CSMD1: variants seen among roughly 807,000 people sequenced by gnomAD.
CSMD1 encodes the protein CUB and sushi domain-containing protein 1.
A neutral mutation model predicts 417.5 loss-of-function variants in CSMD1; 213 were observed. The ratio of observed to expected loss-of-function variants is 0.51; its 90% CI spans 0.46 to 0.57. CSMD1 has a LOEUF of 0.57. Among genes scored for constraint, CSMD1 ranks in the 20% least tolerant of loss-of-function variants. The pLI, the probability that CSMD1 is intolerant of heterozygous loss-of-function variation, is 0.00. For missense variants in CSMD1, 6,923 were observed against 4,529.7 expected, an observed-to-expected ratio of 1.53 and a Z score of -15.17; for synonymous variants, 2,862 against 1,736.8, an observed-to-expected ratio of 1.65 and a Z score of -16.11.
At chr8:3,075,033 T>C (rs73181795) in intron 49 of CSMD1, among the ~76,000 whole-genome samples, 9,291 of 152,086 alleles carry the variant, frequency 0.061, 506 homozygotes, top group South Asian at 0.19. Flanking sequence ...AGTGAGTTCT[T>C]GCAAGATCCA....
chr8:4,814,921 G>C (rs902301408), intron 1 of CSMD1, among the ~76,000 whole-genome samples: 1 of 152,140 alleles, frequency 6.6e-6, no homozygotes, highest in Non-Finnish European at 1.5e-5. Flanking sequence ...GTATTTGGTT[G>C]AATAAACATT....
intron 23 of CSMD1, among the ~76,000 whole-genome samples, chr8:3,315,136 A>G (rs148415684): frequency 6.6e-6 from 1 of 152,344 alleles, no homozygotes; most frequent in East Asian, 1.9e-4. Context: ...TTTGGCAAAA[A>G]TCTCTTTAAG....
At chr8:3,302,330 G>A (rs576195455) in intron 25 of CSMD1, among the ~76,000 whole-genome samples, 2 of 152,008 alleles carry the variant, frequency 1.3e-5, no homozygotes, top group African/African-American at 2.4e-5. Flanking sequence ...TATCTCCATC[G>A]TTCTCATCAC....
intron 3 of CSMD1, among the ~76,000 whole-genome samples, chr8:4,410,927 A>T (rs189386696): frequency 6.6e-6 from 1 of 152,192 alleles, no homozygotes; most frequent in Non-Finnish European, 1.5e-5. Context: ...CTTTCTCTTC[A>T]GACTAGATTT....
At chr8:3,820,085 G>A (rs922305229) in intron 5 of CSMD1, among the ~76,000 whole-genome samples, 1 of 152,178 alleles carries the variant, frequency 6.6e-6, no homozygotes, top group Non-Finnish European at 1.5e-5. Context: ...CAGTGATTCT[G>A]CATTTTCTTC....
chr8:3,234,205 T>A (rs1799018596), intron 26 of CSMD1, among the ~76,000 whole-genome samples: 1 of 152,170 alleles, frequency 6.6e-6, no homozygotes, highest in Admixed American at 6.5e-5. Context: ...TCTCTCTCCA[T>A]TTCTGCATTT....
rs141770194 is a variant in CSMD1, at chr8:4,538,398, T to A, written c.302+98944A>T. The stretch of plus-strand genomic sequence containing the variant: ...TGGCTTATGCCTGTAATCCAAGCAC[T>A]TTGGGAGGCCGAGGCAGGGAGATCA... On this transcript the variant is annotated intron_variant, in intron 2 of 69. Coordinates refer to ENST00000635120, the MANE Select transcript of CSMD1 (RefSeq NM_033225.6). Among the ~76,000 whole-genome samples the A allele has an allele frequency of 5.3e-3, 804 of 152,190 alleles. 9 individuals are homozygous for A. Among genetic ancestry groups the A allele is most frequent in the African/African-American group, 0.018 (739 of 41,496 alleles).
At chr8:3,900,052 G>A (rs1271375595) in intron 5 of CSMD1, among the ~76,000 whole-genome samples, 2 of 152,150 alleles carry the variant, frequency 1.3e-5, no homozygotes, top group African/African-American at 2.4e-5. Flanking sequence ...GGCCGATGCT[G>A]TAGCTGGGTA....
At chr8:4,286,334 A>T (rs539331746) in intron 3 of CSMD1, among the ~76,000 whole-genome samples, 3 of 151,996 alleles carry the variant, frequency 2.0e-5, no homozygotes, top group African/African-American at 4.8e-5. Flanking sequence ...ACATTCTTTT[A>T]TTTTTAAAAA....
rs997481 is a variant in CSMD1 at position 3,311,753 on chromosome 8, A to T, written c.3632-3250T>A. 3.4e-4 allele frequency among the ~76,000 whole-genome samples: 51 copies of T among 151,986 alleles called. 1 individual carries two copies. The highest frequency in any genetic ancestry group is 1.9e-3 in the East Asian group (10 of 5,158). ...GTGGGCTGTGTTCATTTTGACAATAAATTATGTTCTGATTGTACAGAAGCG... is the reference window on the plus strand; with the variant it reads ...GTGGGCTGTGTTCATTTTGACAATATATTATGTTCTGATTGTACAGAAGCG... On this transcript the variant is annotated intron_variant, in intron 23 of 69. Coordinates refer to ENST00000635120, the MANE Select transcript of CSMD1 (RefSeq NM_033225.6).
intron 3 of CSMD1, among the ~76,000 whole-genome samples, chr8:4,219,239 T>C (rs1800873590): frequency 6.6e-6 from 1 of 152,258 alleles, no homozygotes; most frequent in East Asian, 1.9e-4. Flanking sequence ...CCACTCCATC[T>C]GCTAAATATA....
chr8:4,859,368 T>C (rs1801993313), intron 1 of CSMD1, among the ~76,000 whole-genome samples: 1 of 152,202 alleles, frequency 6.6e-6, no homozygotes, highest in East Asian at 1.9e-4. Flanking sequence ...AAGGACTTCA[T>C]GTCTAAAACA....
chr8:4,395,876 G>C (rs1362961340), intron 3 of CSMD1, among the ~76,000 whole-genome samples: 1 of 152,150 alleles, frequency 6.6e-6, no homozygotes, highest in African/African-American at 2.4e-5. Flanking sequence ...CTTTAATTCG[G>C]TAGTGTATCT....
At chr8:4,383,700 C>G (rs577281739) in intron 3 of CSMD1, among the ~76,000 whole-genome samples, 8 of 152,124 alleles carry the variant, frequency 5.3e-5, no homozygotes, top group African/African-American at 1.9e-4. Flanking sequence ...TGTGGGAAAC[C>G]TAATAAAAAC....
chr8:3,415,500 C>A (rs1215619528), intron 12 of CSMD1, among the ~76,000 whole-genome samples: 1 of 152,152 alleles, frequency 6.6e-6, no homozygotes, highest in Non-Finnish European at 1.5e-5. Context: ...TGGGATTATA[C>A]GCATGCATCA....
At chr8:3,384,783 T>C (rs1364015844) in intron 18 of CSMD1, among the ~76,000 whole-genome samples, 4 of 122,022 alleles carry the variant, frequency 3.3e-5, no homozygotes, top group African/African-American at 9.9e-5. Flanking sequence ...ATTTATATAA[T>C]ATATATTAAT....
At chr8:4,965,844 T>C (rs1416588946) in intron 1 of CSMD1, among the ~76,000 whole-genome samples, 1 of 152,132 alleles carries the variant, frequency 6.6e-6, no homozygotes, top group East Asian at 1.9e-4. Context: ...TCATGTTGAT[T>C]GGAGGATAAA....
At chr8:3,726,277 C>T (rs879635521) in intron 6 of CSMD1, among the ~76,000 whole-genome samples, 2 of 152,188 alleles carry the variant, frequency 1.3e-5, no homozygotes, top group African/African-American at 2.4e-5. Flanking sequence ...GGCTGCACAT[C>T]GTCTCCCTTA....
intron 1 of CSMD1, among the ~76,000 whole-genome samples, chr8:4,747,819 T>C (rs1272158833): frequency 6.6e-6 from 1 of 152,190 alleles, no homozygotes; most frequent in African/African-American, 2.4e-5. Flanking sequence ...AAAGCATCAT[T>C]TGTAAATGTC....
Sources: gnomAD v4.1 joint callset for allele counts (sites outside exome capture counted in the v4.1 genomes callset) on GRCh38, gnomAD v4.1.1 for gene constraint, MANE v1.5 for transcripts, NCBI Gene and HGNC (gene_info 2026-07-23, HGNC 2026-07-21) for gene names.